Variants in SLCO5A1 observed in about 807,000 individuals in gnomAD.
SLCO5A1 encodes the protein organic anion transporter polypeptide-related protein 4.
Under a neutral mutation model 65.1 loss-of-function variants are expected in SLCO5A1, and 39 were observed. The observed-to-expected ratio is 0.60, with a 90% CI of 0.46 to 0.78. The LOEUF is 0.78. Ranked by LOEUF, SLCO5A1 falls within the 30% of genes least tolerant of loss-of-function variation. SLCO5A1 has a pLI of 0.00. For synonymous variants in SLCO5A1, 438 were observed against 415.7 expected (o/e 1.05, Z -0.65); for missense variants, 1,029 against 1,069.4 (o/e 0.96, Z 0.53).
At position 69,697,566 on chromosome 8, in the gene SLCO5A1, G is replaced by A. The variant is rs145715811; in HGVS notation, c.1622+7465C>T. On this transcript the variant is annotated intron_variant, in intron 6 of 9. Coordinates refer to ENST00000260126, the MANE Select transcript of SLCO5A1 (RefSeq NM_030958.3). ...ATGTAATCAAGAGTGGGGGGACAGC[G>A]GGCTCCCCTAGATTGGGCAGAGATG... Among the ~76,000 whole-genome samples the A allele has an allele frequency of 2.1e-4, 32 of 152,140 alleles. No individual in the cohort carries two copies. The East Asian group carries it at 3.7e-3, about 17-fold the overall frequency.
At chr8:69,741,939 A>T (rs900785996) in intron 4 of SLCO5A1, among the ~76,000 whole-genome samples, 1 of 152,244 alleles carries the variant, frequency 6.6e-6, no homozygotes. Flanking sequence ...AATCTTGGAC[A>T]TCATGGGCAT....
At chr8:69,698,314 C>T (rs749144475) in intron 6 of SLCO5A1, among the ~76,000 whole-genome samples, 1 of 152,118 alleles carries the variant, frequency 6.6e-6, no homozygotes, top group Non-Finnish European at 1.5e-5. Context: ...CTGCAATGAA[C>T]ATATGTGTGC....
chr8:69,671,622 A>G lies in SLCO5A1; in HGVS notation c.*1247T>C, dbSNP rs1345449638. The G allele has an allele frequency of 1.3e-5, 2 of 152,228 alleles. No homozygotes were observed. Among genetic ancestry groups the G allele is most frequent in the Admixed American group, 1.3e-4 (2 of 15,286 alleles). 9.4% of individuals were successfully genotyped at this position (152,228 alleles called of 1,614,324 possible). On this transcript the variant is annotated 3_prime_UTR_variant, in exon 10 of 10. Coordinates refer to ENST00000260126, the MANE Select transcript of SLCO5A1 (RefSeq NM_030958.3). ...CCCAAAGTGCATTTAGGAACAGAAA[A>G]ATCCTCTCTCAGAATCACTGCCAGA...
chr8:69,827,152 TG>T lies in SLCO5A1; in HGVS notation c.907+4614del, dbSNP rs1025660334. Among the ~76,000 whole-genome samples, 8 of 62,288 alleles carry T rather than the reference TG, an allele frequency of 1.3e-4. No homozygotes were observed. The South Asian group carries it at 4.5e-3, about 35-fold the overall frequency. 40.9% of individuals were successfully genotyped at this position (62,288 alleles called of 152,430 possible). On this transcript the variant is annotated intron_variant, in intron 2 of 9. Coordinates refer to ENST00000260126, the MANE Select transcript of SLCO5A1 (RefSeq NM_030958.3). ...TCACACTCTGGGGACTGTTGTGGGG[TG>T]GGGGGAGGGGGGAGGGATAGCTTTA... is the stretch of plus-strand genomic sequence containing the variant.
rs1813204074 is a variant in SLCO5A1 at position 69,667,123 on chromosome 8, C to G, written c.*5746G>C. ...ATCAAGTATTCAAGATGCTGTAAAC[C>G]AAGATTAGTACATCGACAACAGATT... On this transcript the variant is annotated 3_prime_UTR_variant, in exon 10 of 10. Transcript: ENST00000260126. 1 of 152,054 alleles carries G rather than the reference C, an allele frequency of 6.6e-6. No homozygotes were observed. Among genetic ancestry groups the G allele is most frequent in the South Asian group, 2.1e-4 (1 of 4,812 alleles). 9.4% of individuals were successfully genotyped at this position (152,054 alleles called of 1,614,324 possible). A position where few individuals can be genotyped will look rare whatever the true frequency, so the allele number is the denominator to read the frequency against.
At chr8:69,779,737 C>T (rs928760614) in intron 2 of SLCO5A1, among the ~76,000 whole-genome samples, 6 of 152,066 alleles carry the variant, frequency 3.9e-5, no homozygotes. Flanking sequence ...GAACCCAAAG[C>T]CTGTCCTCTT....
intron 5 of SLCO5A1, among the ~76,000 whole-genome samples, chr8:69,710,179 C>T (rs1293532802): frequency 1.3e-5 from 2 of 151,972 alleles, no homozygotes; most frequent in African/African-American, 2.4e-5. Context: ...CAACCACGAC[C>T]GGCTAATTTT....
chr8:69,777,463 CTG>C (rs1408545808), intron 2 of SLCO5A1, among the ~76,000 whole-genome samples: 3 of 136,942 alleles, frequency 2.2e-5, no homozygotes, highest in African/African-American at 8.4e-5. Flanking sequence ...GGATCTGGAT[CTG>C]TTTGCCATCT....
intron 5 of SLCO5A1, among the ~76,000 whole-genome samples, chr8:69,730,625 C>T (rs117776355): frequency 5.8e-4 from 88 of 152,310 alleles, no homozygotes; most frequent in African/African-American, 1.9e-3. Flanking sequence ...GCACTGACTC[C>T]TAGTCAAGGC....
intron 5 of SLCO5A1, among the ~76,000 whole-genome samples, chr8:69,731,957 A>G (rs1816356603): frequency 6.6e-6 from 1 of 152,264 alleles, no homozygotes; most frequent in Non-Finnish European, 1.5e-5. Context: ...TCTCAACATT[A>G]AAGAGAAAAA....
At chr8:69,775,486 C>T (rs1476160887) in intron 2 of SLCO5A1, among the ~76,000 whole-genome samples, 2 of 152,136 alleles carry the variant, frequency 1.3e-5, no homozygotes, top group East Asian at 3.9e-4. Context: ...CAGATTGCCA[C>T]CTGTGAGTGA....
chr8:69,697,685 C>T (rs1162044898), intron 6 of SLCO5A1, among the ~76,000 whole-genome samples: 1 of 151,914 alleles, frequency 6.6e-6, no homozygotes, highest in South Asian at 2.1e-4. Context: ...AATTTCACAA[C>T]ACCTTGAAAA....
At position 69,693,768 on chromosome 8, in the gene SLCO5A1, AC is replaced by A. The variant is rs199642860; in HGVS notation, c.1622+11262del. Among the ~76,000 whole-genome samples the A allele has an allele frequency of 1.6e-3, 239 of 152,348 alleles. 5 individuals carry two copies. The East Asian group carries it at 0.044, about 28-fold the overall frequency. On this transcript the variant is annotated intron_variant, in intron 6 of 9. Transcript: ENST00000260126. ...CTCCCTATAATCCTAAGAGATGAGT[AC>A]TATAATTGATCACATCTTAATGTTG...
chr8:69,759,618 T>G (rs1324977935), intron 3 of SLCO5A1, among the ~76,000 whole-genome samples: 3 of 152,126 alleles, frequency 2.0e-5, no homozygotes, highest in Non-Finnish European at 2.9e-5. Context: ...GGATTCAGGG[T>G]CTATACTCTT....
intron 5 of SLCO5A1, among the ~76,000 whole-genome samples, chr8:69,722,166 C>G (rs573648789): frequency 6.6e-6 from 1 of 151,884 alleles, no homozygotes; most frequent in East Asian, 1.9e-4. Flanking sequence ...GCAAAGACTC[C>G]GTCTCAAAAA....
intron 2 of SLCO5A1, among the ~76,000 whole-genome samples, chr8:69,796,644 A>G (rs1819512759): frequency 6.6e-6 from 1 of 151,434 alleles, no homozygotes; most frequent in Non-Finnish European, 1.5e-5. Flanking sequence ...ATATATACAC[A>G]CACACATATA....
chr8:69,681,972 C>T (rs1202432838), intron 7 of SLCO5A1, among the ~76,000 whole-genome samples: 1 of 152,130 alleles, frequency 6.6e-6, no homozygotes, highest in Non-Finnish European at 1.5e-5. Flanking sequence ...GAACAAAATC[C>T]CTGCACCCAA....
chr8:69,679,068 C>T (rs1048380398), intron 8 of SLCO5A1, among the ~76,000 whole-genome samples: 3 of 152,206 alleles, frequency 2.0e-5, no homozygotes, highest in Admixed American at 6.5e-5. Flanking sequence ...TGACTTTCAA[C>T]TCCTGAAGTT....
intron 2 of SLCO5A1, among the ~76,000 whole-genome samples, chr8:69,813,715 A>G (rs1212490736): frequency 6.6e-6 from 1 of 152,210 alleles, no homozygotes; most frequent in Non-Finnish European, 1.5e-5. Flanking sequence ...GTTGCAGAAA[A>G]AGACCACATC....
Sources: allele counts gnomAD v4.1 joint callset (sites outside exome capture counted in the v4.1 genomes callset), GRCh38; gene constraint gnomAD v4.1.1; transcripts MANE v1.5; gene names NCBI Gene and HGNC (gene_info 2026-07-23, HGNC 2026-07-21).